CLYBL: variants seen among roughly 807,000 people sequenced by gnomAD.
CLYBL encodes citramalyl-CoA lyase.
Under a neutral mutation model 38.9 loss-of-function variants are expected in CLYBL, and 31 were observed. The ratio of observed to expected loss-of-function variants is 0.80; its 90% confidence interval spans 0.60 to 1.08. CLYBL has a LOEUF of 1.08. Ranked by LOEUF, CLYBL falls within the 50% of genes least tolerant of loss-of-function variation. CLYBL has a pLI of 0.00. For missense variants in CLYBL, 434 were observed against 411.6 expected (o/e 1.05, Z -0.47); for synonymous variants, 171 against 158.6 (o/e 1.08, Z -0.59).
At chr13:99,750,895 T>G (rs1441560410) in intron 1 of CLYBL, among the ~76,000 whole-genome samples, 1 of 152,204 alleles carries the variant, frequency 6.6e-6, no homozygotes, top group Non-Finnish European at 1.5e-5. Flanking sequence ...TTAAAAATTT[T>G]AAAAATATTT....
chr13:99,683,525 C>T (rs1224489856), intron 1 of CLYBL, among the ~76,000 whole-genome samples: 1 of 151,556 alleles, frequency 6.6e-6, no homozygotes, highest in African/African-American at 2.4e-5. Flanking sequence ...ACTTTTTGAA[C>T]TTTTTGTTAA....
At chr13:99,845,088 G>A (rs1212693361) in intron 2 of CLYBL, among the ~76,000 whole-genome samples, 2 of 152,218 alleles carry the variant, frequency 1.3e-5, no homozygotes, top group African/African-American at 2.4e-5. Context: ...GTTGTAAGGT[G>A]GGGTGATTTT....
chr13:99,847,342 C>T (rs1275272783), intron 2 of CLYBL, among the ~76,000 whole-genome samples: 1 of 152,148 alleles, frequency 6.6e-6, no homozygotes, highest in African/African-American at 2.4e-5. Flanking sequence ...TGACACTGTT[C>T]CCTTTTGCTT....
Position 99,662,970 on chromosome 13 carries a change from A to C in CLYBL, c.62+56213A>C, listed in dbSNP as rs117011173. On this transcript the variant is annotated intron_variant, in intron 1 of 8. Transcript: ENST00000339105. ...GTCCAAAGAACAAACATCTCAGGCT[A>C]GATGCAGGACACTAAATATGTTCTT... Among the ~76,000 whole-genome samples, 58 of 152,310 alleles carry C rather than the reference A, an allele frequency of 3.8e-4. No homozygotes were observed. In the East Asian group the frequency reaches 8.1e-3, roughly 21 times the overall value.
intron 1 of CLYBL, among the ~76,000 whole-genome samples, chr13:99,723,647 G>C (rs1432528246): frequency 6.6e-6 from 1 of 152,168 alleles, no homozygotes; most frequent in Non-Finnish European, 1.5e-5. Context: ...TCGTATCCAT[G>C]TTCCCATCCA....
chr13:99,778,081 CAGG>C (rs1362892184), intron 2 of CLYBL, among the ~76,000 whole-genome samples: 7 of 152,212 alleles, frequency 4.6e-5, no homozygotes, highest in Non-Finnish European at 1.0e-4. Flanking sequence ...AGGTAACTGA[CAGG>C]AGCTCTGTGT....
At chr13:99,747,948 A>G (rs967942091) in intron 1 of CLYBL, among the ~76,000 whole-genome samples, 1 of 152,236 alleles carries the variant, frequency 6.6e-6, no homozygotes, top group Non-Finnish European at 1.5e-5. Context: ...GGTAAAATAT[A>G]CATAACATAA....
chr13:99,658,505 C>T (rs2047362181), intron 1 of CLYBL, among the ~76,000 whole-genome samples: 1 of 152,126 alleles, frequency 6.6e-6, no homozygotes, highest in Admixed American at 6.5e-5. Context: ...CTCCTGTGTC[C>T]CTCTCCCCCA....
intron 1 of CLYBL, among the ~76,000 whole-genome samples, chr13:99,726,824 T>C (rs1774966088): frequency 2.6e-5 from 4 of 151,876 alleles, no homozygotes; most frequent in African/African-American, 4.8e-5. Flanking sequence ...TGGTTACCAC[T>C]TGCTCTGTGC....
chr13:99,623,122 C>G (rs185138218), intron 1 of CLYBL, among the ~76,000 whole-genome samples: 1 of 152,282 alleles, frequency 6.6e-6, no homozygotes, highest in East Asian at 1.9e-4. Flanking sequence ...TAGGTTTATA[C>G]CTAGGAACTG....
At chr13:99,755,018 C>T (rs1429005078) in intron 1 of CLYBL, among the ~76,000 whole-genome samples, 1 of 151,878 alleles carries the variant, frequency 6.6e-6, no homozygotes, top group Non-Finnish European at 1.5e-5. Context: ...CTGCTTCAAA[C>T]CCCCGGGTAG....
chr13:99,885,019 CCAT>C, intron 7 of CLYBL: 1 of 511,610 alleles, frequency 2.0e-6, no homozygotes, highest in Non-Finnish European at 4.0e-6. Flanking sequence ...TCAGCCTTTT[CCAT>C]CATCACCAGG....
intron 2 of CLYBL, among the ~76,000 whole-genome samples, chr13:99,836,053 G>C (rs2050927321): frequency 6.6e-6 from 1 of 152,198 alleles, no homozygotes. Context: ...AGGCAATTTT[G>C]AGAAAAGTGA....
At chr13:99,752,549 A>ACAGCC (rs1485923428) in intron 1 of CLYBL, among the ~76,000 whole-genome samples, 1 of 152,164 alleles carries the variant, frequency 6.6e-6, no homozygotes, top group East Asian at 1.9e-4. Flanking sequence ...TCCTAAGAAC[A>ACAGCC]CAGCCCAGCC....
intron 1 of CLYBL, among the ~76,000 whole-genome samples, chr13:99,708,551 T>C (rs1351108410): frequency 6.6e-6 from 1 of 152,198 alleles, no homozygotes; most frequent in African/African-American, 2.4e-5. Flanking sequence ...CTGGTTGACC[T>C]TGGGCAAATT....
At chr13:99,846,236 C>T (rs1189493357) in intron 2 of CLYBL, among the ~76,000 whole-genome samples, 1 of 148,228 alleles carries the variant, frequency 6.7e-6, no homozygotes, top group Non-Finnish European at 1.5e-5. Flanking sequence ...GTGGAACCAA[C>T]ATTACGAATG....
At chr13:99,758,644 C>T (rs2049109600) in intron 1 of CLYBL, among the ~76,000 whole-genome samples, 4 of 152,192 alleles carry the variant, frequency 2.6e-5, no homozygotes, top group Non-Finnish European at 5.9e-5. Flanking sequence ...CCTTCCTTCT[C>T]CGGAACGGTG....
chr13:99,669,782 C>T (rs115513405), intron 1 of CLYBL, among the ~76,000 whole-genome samples: 1,932 of 152,270 alleles, frequency 0.013, 38 homozygotes, highest in African/African-American at 0.044. Context: ...CCTAGAACTG[C>T]AAGACAAGTT....
At chr13:99,772,791 A>T (rs769520110) in intron 1 of CLYBL, 33 bp from the exon 2 acceptor site, 2 of 1,522,678 alleles carry the variant, frequency 1.3e-6, no homozygotes, top group Non-Finnish European at 8.8e-7. Context: ...CAGAAATCTC[A>T]TTCTGGACTA....
Sources: gnomAD v4.1 joint callset for allele counts (sites outside exome capture counted in the v4.1 genomes callset) on GRCh38, gnomAD v4.1.1 for gene constraint, MANE v1.5 for transcripts, NCBI Gene and HGNC (gene_info 2026-07-23, HGNC 2026-07-21) for gene names.